The following PXMP2 variants were observed in gnomAD, a reference collection of about 807,000 sequenced individuals.
The protein encoded by PXMP2 is 22 kDa peroxisomal membrane protein.
A neutral mutation model predicts 20.2 loss-of-function variants in PXMP2; 13 were observed. The ratio of observed to expected loss-of-function variants is 0.64; its 90% CI spans 0.42 to 1.02. PXMP2 has a LOEUF of 1.02. PXMP2 is among the 50% of genes least tolerant of loss of function. PXMP2 has a pLI of 0.00. For synonymous variants in PXMP2, 113 were observed against 111.2 expected (o/e 1.02, Z -0.10); for missense variants, 284 against 251.8 (o/e 1.13, Z -0.87).
intron 1 of PXMP2, 159 bp downstream of exon 1, chr12:132,687,951 G>A: frequency 1.5e-6 from 1 of 673,000 alleles, no homozygotes; most frequent in Non-Finnish European, 1.9e-6. Flanking sequence ...AACTTCCCGC[G>A]GCGACACCCG....
rs186308830 is a variant in PXMP2, at chr12:132,697,510, C to T, written c.399+1464C>T. On this transcript the variant is annotated intron_variant, in intron 3 of 4. Coordinates refer to ENST00000317479, the MANE Select transcript of PXMP2 (RefSeq NM_018663.3). Reference sequence around the variant, plus strand: ...GCAACCTCTGCCTCCCGGGTTCAAACGATTCTCCTGCCTCAGCCTCCTGAG... The same window carrying T: ...GCAACCTCTGCCTCCCGGGTTCAAATGATTCTCCTGCCTCAGCCTCCTGAG... Among the ~76,000 whole-genome samples the T allele has an allele frequency of 2.8e-4, 42 of 151,874 alleles. 1 individual carries two copies. The East Asian group carries it at 3.7e-3, about 14-fold the overall frequency.
intron 3 of PXMP2, among the ~76,000 whole-genome samples, chr12:132,700,135 G>A (rs1402636250): frequency 1.3e-5 from 2 of 150,736 alleles, no homozygotes; most frequent in African/African-American, 4.9e-5. Flanking sequence ...TCCGCCTCCC[G>A]GGTTCAAGTG....
Position 132,701,317 on chromosome 12 carries a change from G to A in PXMP2, c.467G>A (p.Trp156Ter), listed in dbSNP as rs549496224. The A allele has an allele frequency of 3.1e-6, 5 of 1,613,216 alleles. No homozygotes were observed. The highest frequency in any genetic ancestry group is 4.5e-5 in the East Asian group (2 of 44,762). ...TTCTGGCCGGCGCTGAGGATGAACT[G>A]GCGGGTGTGGACGCCACTACAGTTC... ...GGFWPALRMNWRVWTPLQFIN... is the reference protein window; with the variant it reads ...GGFWPALRMN Residue 156 changes from tryptophan to a stop codon, truncating the protein, a stop_gained, in exon 4 of 5, where the codon TGG becomes TAG. Transcript: ENST00000317479. LOFTEE classifies it high-confidence loss of function.
At chr12:132,693,953 T>C (rs2043390492) in intron 2 of PXMP2, among the ~76,000 whole-genome samples, 1 of 98,148 alleles carries the variant, frequency 1.0e-5, no homozygotes, top group Non-Finnish European at 2.2e-5. Context: ...CCCTTGCCAG[T>C]TAGTTAGTGA....
rs890068050 is a variant in PXMP2, at chr12:132,696,627, G to A, written c.399+581G>A. Among the ~76,000 whole-genome samples, 19 of 151,470 alleles carry A rather than the reference G, an allele frequency of 1.3e-4. No individual in the cohort carries two copies. The highest frequency in any genetic ancestry group is 2.2e-4 in the Non-Finnish European group (15 of 67,872). On this transcript the variant is annotated intron_variant, in intron 3 of 4. Transcript: ENST00000317479. The surrounding 1 kb of genome is among the most constrained non-coding windows in gnomAD (Gnocchi z 4.4). ...AGCCTGGCCAACATGGTGAAACCTCGTCTCTACTAAAAATACAAAAAATTT... is the reference window on the plus strand; with the variant it reads ...AGCCTGGCCAACATGGTGAAACCTCATCTCTACTAAAAATACAAAAAATTT...
In PXMP2 at chr12:132,704,934, G is replaced by T. The variant is rs1228124672; in HGVS notation, c.*247G>T. On this transcript the variant is annotated 3_prime_UTR_variant, in exon 5 of 5. Transcript: ENST00000317479. ...AAATTTAGTCGAGGCAGTTTCAATTGTTACTGTGGACCGAATTAGGATCAC... is the reference window on the plus strand; with the variant it reads ...AAATTTAGTCGAGGCAGTTTCAATTTTTACTGTGGACCGAATTAGGATCAC... The T allele has an allele frequency of 1.1e-5, 6 of 557,912 alleles. No homozygotes were observed. The African/African-American group carries it at 1.1e-4, about 11-fold the overall frequency. 34.6% of individuals were successfully genotyped at this position (557,912 alleles called of 1,614,324 possible).
rs1367873618 is a variant in PXMP2, at chr12:132,696,272, G to C, written c.399+226G>C. On this transcript the variant is annotated intron_variant, in intron 3 of 4. Coordinates refer to ENST00000317479, the MANE Select transcript of PXMP2 (RefSeq NM_018663.3). This position sits in a 1 kb window ranked among gnomAD's most constrained non-coding sequence, Gnocchi z 4.4. ...TTATTTAAAGACAGGGTTTCACTCT[G>C]TCACCCAGGCTGCAGTGCAGTAGCA... is the stretch of plus-strand genomic sequence containing the variant. Among the ~76,000 whole-genome samples the C allele has an allele frequency of 6.6e-6, 1 of 152,028 alleles. No individual in the cohort carries two copies. The highest frequency in any genetic ancestry group is 1.5e-5 in the Non-Finnish European group (1 of 68,010).
Position 132,687,797 on chromosome 12 carries a change from G to GCGGGGGCGCGGGAATCGGA in PXMP2, c.122+8_122+26dup, listed in dbSNP as rs1163757918. The stretch of plus-strand genomic sequence containing the variant: ...GCTCACCAAGGCGGCCACCAGGTGA[G>GCGGGGGCGCGGGAATCGGA]CGGGGGCGCGGGAATCGGACGCCGC... On this transcript the variant is annotated splice_donor_region_variant and intron_variant, in intron 1 of 4. Transcript: ENST00000317479. 2 of 1,150,114 alleles carry GCGGGGGCGCGGGAATCGGA rather than the reference G, an allele frequency of 1.7e-6. No homozygotes were observed. Among genetic ancestry groups the GCGGGGGCGCGGGAATCGGA allele is most frequent in the East Asian group, 8.6e-5 (2 of 23,250 alleles). 71.2% of individuals were successfully genotyped at this position (1,150,114 alleles called of 1,614,324 possible).
Position 132,690,763 on chromosome 12 carries a change from T to A in PXMP2, c.236+387T>A, listed in dbSNP as rs183284705. Among the ~76,000 whole-genome samples, 85 of 152,216 alleles carry A rather than the reference T, an allele frequency of 5.6e-4. No individual in the cohort carries two copies. The East Asian group carries it at 0.015, about 27-fold the overall frequency. Reference sequence around the variant, plus strand: ...GGTTTCACCATGTTGGCCAGGCTGGTCTTGAACTCCTGACCTCAAGTGATC... The same window carrying A: ...GGTTTCACCATGTTGGCCAGGCTGGACTTGAACTCCTGACCTCAAGTGATC... On this transcript the variant is annotated intron_variant, in intron 2 of 4. Transcript: ENST00000317479.
chr12:132,695,514 G>A (rs1050299531), intron 2 of PXMP2, among the ~76,000 whole-genome samples: 1 of 152,240 alleles, frequency 6.6e-6, no homozygotes, highest in Non-Finnish European at 1.5e-5. Context: ...GGGACGAGAG[G>A]CACAGACTAA....
chr12:132,694,457 C>T lies in PXMP2; in HGVS notation c.237-1427C>T, dbSNP rs531486279. 5.2e-4 allele frequency among the ~76,000 whole-genome samples: 43 copies of T among 83,152 alleles called. 5 individuals carry two copies. Among genetic ancestry groups the T allele is most frequent in the Middle Eastern group, 0.014 (2 of 138 alleles). 54.6% of individuals were successfully genotyped at this position (83,152 alleles called of 152,430 possible). The stretch of plus-strand genomic sequence containing the variant: ...CCAGTTAGTTAGTGAGCTCCCTTAG[C>T]CAGTTAGTGAGCTCCCTTAGCCAGT... On this transcript the variant is annotated intron_variant, in intron 2 of 4. Transcript: ENST00000317479.
chr12:132,699,794 C>T (rs916146712), intron 3 of PXMP2, among the ~76,000 whole-genome samples: 1 of 151,964 alleles, frequency 6.6e-6, no homozygotes. Context: ...AGGTTGATTC[C>T]ACGTGTTTGC....
At position 132,695,968 on chromosome 12, in the gene PXMP2, C is replaced by T. The variant is rs937797188; in HGVS notation, c.321C>T (p.Leu107=). The T allele has an allele frequency of 2.4e-5, 39 of 1,612,708 alleles. No individual in the cohort carries two copies. Among genetic ancestry groups the T allele is most frequent in the Middle Eastern group, 1.6e-4 (1 of 6,082 alleles). ...WIPPEVPLAG[L]RRLLLDRLVF... is the part of the protein sequence containing the mutation. ...CTCCTGAGGTCCCCCTGGCAGGGCT[C>T]AGGAGGCTTCTCCTGGACCGCCTCG... Residue 107 remains leucine, a synonymous_variant, in exon 3 of 5, where the codon CTC becomes CTT. Coordinates refer to ENST00000317479, the MANE Select transcript of PXMP2 (RefSeq NM_018663.3).
intron 2 of PXMP2, among the ~76,000 whole-genome samples, chr12:132,692,066 GTAGTGAGCTCCCTGAGCCAGTTAGT>G (rs2043370923): frequency 2.1e-5 from 3 of 143,612 alleles, no homozygotes; most frequent in African/African-American, 7.6e-5. Flanking sequence ...AGCCAGTTAG[GTAGTGAGCTCCCTGAGCCAGTTAGT>G]TAGTGAGCGC....
In PXMP2 at chr12:132,696,498, T is replaced by A. The variant is rs898015318; in HGVS notation, c.399+452T>A. 2.0e-5 allele frequency among the ~76,000 whole-genome samples: 3 copies of A among 152,134 alleles called. No individual in the cohort carries two copies. Among genetic ancestry groups the A allele is most frequent in the Non-Finnish European group, 2.9e-5 (2 of 68,030 alleles). ...GACCTGCCATTAGAGGTCTTGTCAC[T>A]GTGTAAAGAAAGAAACAGGCCGGGC... is the stretch of plus-strand genomic sequence containing the variant. On this transcript the variant is annotated intron_variant, in intron 3 of 4. Coordinates refer to ENST00000317479, the MANE Select transcript of PXMP2 (RefSeq NM_018663.3). The surrounding 1 kb of genome is among the most constrained non-coding windows in gnomAD (Gnocchi z 4.4).
At chr12:132,687,912 C>A in intron 1 of PXMP2, 120 bp downstream of exon 1, 1 of 970,454 alleles carries the variant, frequency 1.0e-6, no homozygotes, top group Non-Finnish European at 1.3e-6. Flanking sequence ...TCAGAACCCC[C>A]GGAGCGGGCG....
At chr12:132,695,836 G>A in intron 2 of PXMP2, 48 bp from the exon 3 acceptor site, 1 of 1,556,790 alleles carries the variant, frequency 6.4e-7, no homozygotes, top group East Asian at 2.3e-5. Flanking sequence ...CCAGAGAAGA[G>A]CACATCCAGA....
Position 132,701,293 on chromosome 12 carries a change from T to C in PXMP2, c.443T>C (p.Phe148Ser), listed in dbSNP as rs771321911. The C allele has an allele frequency of 2.5e-6, 4 of 1,612,756 alleles. No individual in the cohort carries two copies. In the South Asian group the frequency reaches 4.4e-5, roughly 18 times the overall value. Residue 148 changes from phenylalanine to serine, a missense_variant, in exon 4 of 5, where the codon TTC becomes TCC. Transcript: ENST00000317479. ...TTCGCCGCCAAGATGAGGGGGGGCT[T>C]CTGGCCGGCGCTGAGGATGAACTGG... Reference protein sequence around the residue: ...SAFAAKMRGGFWPALRMNWRV... With the variant: ...SAFAAKMRGGSWPALRMNWRV...
At chr12:132,704,006 T>C (rs974222978) in intron 4 of PXMP2, among the ~76,000 whole-genome samples, 5 of 152,132 alleles carry the variant, frequency 3.3e-5, no homozygotes, top group Admixed American at 1.3e-4. Flanking sequence ...TGCAGGTGTA[T>C]GCGGAAGCAG....
Sources: allele counts gnomAD v4.1 joint callset (sites outside exome capture counted in the v4.1 genomes callset), GRCh38; gene constraint gnomAD v4.1.1; non-coding constraint Gnocchi (gnomAD v3.1); transcripts MANE v1.5; gene names NCBI Gene and HGNC (gene_info 2026-07-23, HGNC 2026-07-21).